C2CD2: variants seen among roughly 807,000 people sequenced by gnomAD.
The protein encoded by C2CD2 is C2 domain-containing protein 2.
C2CD2 carries 43 observed loss-of-function variants against 74.3 expected under a neutral mutation model. The observed-to-expected ratio is 0.58, with a 90% CI of 0.45 to 0.75. The LOEUF (loss-of-function observed/expected upper bound fraction) is 0.75. Ranked by LOEUF, C2CD2 falls within the 30% of genes least tolerant of loss-of-function variation. The pLI is 0.00. For synonymous variants in C2CD2, 422 were observed against 390.7 expected, an observed-to-expected ratio of 1.08 and a Z score of -0.94; for missense variants, 801 against 916.3, an observed-to-expected ratio of 0.87 and a Z score of 1.63.
At chr21:41,901,231 A>G in intron 12 of C2CD2, 1 of 310,688 alleles carries the variant, frequency 3.2e-6, no homozygotes, top group Non-Finnish European at 6.2e-6. Context: ...CATTCACTGC[A>G]AAAAAGTAAA....
chr21:41,904,587 G>A (rs2064938270), intron 11 of C2CD2, among the ~76,000 whole-genome samples: 1 of 152,230 alleles, frequency 6.6e-6, no homozygotes, highest in Non-Finnish European at 1.5e-5. Context: ...GGCAGGGCCT[G>A]CGTCCCAGAA....
chr21:41,938,248 AAACAAAATAAAGTCATTGAC>A (rs1238368885), intron 2 of C2CD2, among the ~76,000 whole-genome samples: 7 of 152,162 alleles, frequency 4.6e-5, no homozygotes, highest in Non-Finnish European at 8.8e-5. Context: ...TAAATTTTAA[AAACAAAATAAAGTCATTGAC>A]ACCTGGCAAG....
At chr21:41,913,209 T>C (rs1354006838) in intron 6 of C2CD2, among the ~76,000 whole-genome samples, 1 of 152,246 alleles carries the variant, frequency 6.6e-6, no homozygotes. Flanking sequence ...ACAGGTGCTG[T>C]ACCTGATACT....
rs1188899022 is a variant in C2CD2 at position 41,887,139 on chromosome 21, T to G, written c.*1985A>C. The G allele has an allele frequency of 6.6e-6, 1 of 152,220 alleles. No individual in the cohort carries two copies. The highest frequency in any genetic ancestry group is 1.5e-5 in the Non-Finnish European group (1 of 68,050). The allele number at this position is 152,220 out of a possible 1,614,324, so 9.4% of individuals were successfully genotyped here. A position where few individuals can be genotyped will look rare whatever the true frequency, so the allele number is the denominator to read the frequency against. ...GAATTCTTAAATATGTCTCAGCCTCTTTTTACCACATGGCAAAGAGCAGTA... is the reference window on the plus strand; with the variant it reads ...GAATTCTTAAATATGTCTCAGCCTCGTTTTACCACATGGCAAAGAGCAGTA... On this transcript the variant is annotated 3_prime_UTR_variant, in exon 14 of 14. Coordinates refer to ENST00000380486, the MANE Select transcript of C2CD2 (RefSeq NM_015500.2).
intron 13 of C2CD2, among the ~76,000 whole-genome samples, chr21:41,891,917 G>A (rs894637260): frequency 6.6e-6 from 1 of 152,168 alleles, no homozygotes; most frequent in African/African-American, 2.4e-5. Flanking sequence ...ACTGAAGCTG[G>A]CCTGGCGTCT....
At position 41,949,230 on chromosome 21, in the gene C2CD2, C is replaced by A. The variant is rs577891500; in HGVS notation, c.279+4140G>T. ...CTGTAGGACAGCAGTCCCGGAGACT[C>A]CCAAGGGGATGTTGGGGGTGTAACT... On this transcript the variant is annotated intron_variant, in intron 1 of 13. Coordinates refer to ENST00000380486, the MANE Select transcript of C2CD2 (RefSeq NM_015500.2). Among the ~76,000 whole-genome samples, 152 of 152,228 alleles carry A rather than the reference C, an allele frequency of 1.0e-3. 1 individual carries two copies. The highest frequency in any genetic ancestry group is 3.4e-3 in the African/African-American group (141 of 41,544).
chr21:41,909,701 AGTT>A (rs2065004558), intron 7 of C2CD2, among the ~76,000 whole-genome samples, 178 bp from the exon 8 acceptor site: 1 of 152,182 alleles, frequency 6.6e-6, no homozygotes, highest in Non-Finnish European at 1.5e-5. Context: ...ATTCGGAAAC[AGTT>A]ACTGTTAATA....
intron 13 of C2CD2, among the ~76,000 whole-genome samples, chr21:41,897,254 G>A (rs1041889462): frequency 5.9e-5 from 9 of 152,230 alleles, no homozygotes; most frequent in African/African-American, 9.6e-5. Context: ...CAGAGTGAGC[G>A]AGGCTTGGCA....
chr21:41,907,233 C>T (rs1353090097), intron 9 of C2CD2, 67 bp from the exon 10 acceptor site: 13 of 1,229,176 alleles, frequency 1.1e-5, no homozygotes, highest in East Asian at 9.3e-5. Flanking sequence ...AGCCAGGTAA[C>T]ACTGCCTTCT....
In C2CD2 at chr21:41,901,630, T is replaced by C. The variant is rs146932170; in HGVS notation, c.1552A>G (p.Ile518Val). ...AGCCACCACGATGGTACCTTGGAGA[T>C]CCCTGATATGATAATAGTGCTTTTC... ...RKKSTIIISGISKTSLSQDHD... is the reference protein window; with the variant it reads ...RKKSTIIISGVSKTSLSQDHD... Residue 518 changes from isoleucine to valine, a missense_variant, in exon 12 of 14, where the codon ATC becomes GTC. Ile to Val is a conservative substitution (Grantham distance 29). Transcript: ENST00000380486. The C allele has an allele frequency of 5.0e-6, 8 of 1,614,036 alleles. No homozygotes were observed. In the African/African-American group the frequency reaches 9.3e-5, roughly 19 times the overall value.
chr21:41,933,260 GT>G (rs34078516), intron 2 of C2CD2, among the ~76,000 whole-genome samples: 2,358 of 145,914 alleles, frequency 0.016, 95 homozygotes, highest in African/African-American at 0.054. Flanking sequence ...TTCTGTTACA[GT>G]TTTTTTTTTT....
In C2CD2 at chr21:41,953,460, C is replaced by A. The variant is rs2065467377; in HGVS notation, c.189G>T (p.Leu63=). The change falls in exon 1 of 14, where the codon CTG becomes CTT. Residue 63 remains leucine (L), a synonymous_variant. Coordinates refer to ENST00000380486, the MANE Select transcript of C2CD2 (RefSeq NM_015500.2). ...GEGPRPGSDA[L]LSWILTLGSW... ...TGCCCAGCGTCAGGATCCAGGAGAGCAGCGCGTCGGACCCCGGGCGCGGCC... is the reference window on the plus strand; with the variant it reads ...TGCCCAGCGTCAGGATCCAGGAGAGAAGCGCGTCGGACCCCGGGCGCGGCC... The A allele has an allele frequency of 1.3e-6, 2 of 1,489,234 alleles. No individual in the cohort carries two copies. Among genetic ancestry groups the A allele is most frequent in the East Asian group, 2.9e-5 (1 of 34,902 alleles). 92.3% of individuals were successfully genotyped at this position (1,489,234 alleles called of 1,614,324 possible). A position where few individuals can be genotyped will look rare whatever the true frequency, so the allele number is the denominator to read the frequency against.
At chr21:41,946,995 TAGAACAATACA>T (rs2065402837) in intron 1 of C2CD2, among the ~76,000 whole-genome samples, 1 of 152,172 alleles carries the variant, frequency 6.6e-6, no homozygotes, top group African/African-American at 2.4e-5. Context: ...AATGGGACCC[TAGAACAATACA>T]AGGAGACAGG....
At chr21:41,891,985 A>G (rs1297048087) in intron 13 of C2CD2, among the ~76,000 whole-genome samples, 2 of 125,746 alleles carry the variant, frequency 1.6e-5, no homozygotes, top group Admixed American at 8.5e-5. Flanking sequence ...TGGCTCCCCC[A>G]CCCCCACCCA....
intron 1 of C2CD2, among the ~76,000 whole-genome samples, chr21:41,947,521 A>C (rs1396082999): frequency 6.6e-6 from 1 of 152,160 alleles, no homozygotes; most frequent in Non-Finnish European, 1.5e-5. Flanking sequence ...ACATGCCACC[A>C]ATGTTAATTT....
intron 3 of C2CD2, among the ~76,000 whole-genome samples, 183 bp downstream of exon 3, chr21:41,921,789 G>C (rs934714826): frequency 2.6e-5 from 4 of 152,154 alleles, no homozygotes; most frequent in African/African-American, 9.7e-5. Flanking sequence ...GTAATGTGTA[G>C]TGTGTGTGAT....
Position 41,953,590 on chromosome 21 carries a change from G to T in C2CD2, c.59C>A (p.Ser20Ter), listed in dbSNP as rs2065468812. 2 of 1,496,778 alleles carry T rather than the reference G, an allele frequency of 1.3e-6. No homozygotes were observed. Among genetic ancestry groups the T allele is most frequent in the African/African-American group, 2.9e-5 (2 of 69,106 alleles). 92.7% of individuals were successfully genotyped at this position (1,496,778 alleles called of 1,614,324 possible). A position where few individuals can be genotyped will look rare whatever the true frequency, so the allele number is the denominator to read the frequency against. The stretch of plus-strand genomic sequence containing the variant: ...CGTGGCCAGGGCCGCGACGAAGAGC[G>T]ACACCAGCGCGAGCCACTGCGCCTC... ...LGEAQWLALV[S>*]LFVAALATVG... is the part of the protein sequence containing the mutation. The change falls in exon 1 of 14, where the codon TCG becomes TAG. Residue 20 changes from serine to a stop codon, truncating the protein, a stop_gained. Transcript: ENST00000380486. LOFTEE classifies it high-confidence loss of function.
At chr21:41,893,486 G>A (rs2064781775) in intron 13 of C2CD2, among the ~76,000 whole-genome samples, 1 of 152,064 alleles carries the variant, frequency 6.6e-6, no homozygotes, top group Non-Finnish European at 1.5e-5. Flanking sequence ...AGAAAGATTC[G>A]CACGGCATGT....
intron 2 of C2CD2, among the ~76,000 whole-genome samples, chr21:41,937,918 C>T (rs1435311381): frequency 1.3e-5 from 2 of 152,114 alleles, no homozygotes; most frequent in Admixed American, 1.3e-4. Context: ...CTCAAAGAAA[C>T]CAAGAGCAGA....
Sources: allele counts gnomAD v4.1 joint callset (sites outside exome capture counted in the v4.1 genomes callset), GRCh38; gene constraint gnomAD v4.1.1; transcripts MANE v1.5; gene names NCBI Gene and HGNC (gene_info 2026-07-23, HGNC 2026-07-21).